The following BCKDHB variants were observed in gnomAD, a reference collection of about 807,000 sequenced individuals.
BCKDHB encodes the protein branched chain keto acid dehydrogenase E1 subunit beta.
A neutral mutation model predicts 48.5 loss-of-function variants in BCKDHB; 41 were observed. The observed-to-expected ratio is 0.85, with a 90% CI of 0.66 to 1.10. The LOEUF is 1.10. Among genes scored for constraint, BCKDHB ranks in the 50% least tolerant of loss-of-function variants. BCKDHB has a pLI of 0.00. For missense variants in BCKDHB, 496 were observed against 494.2 expected, an observed-to-expected ratio of 1.00 and a Z score of -0.03; for synonymous variants, 201 against 174.8, an observed-to-expected ratio of 1.15 and a Z score of -1.18.
chr6:80,408,284 A>G, the BCKDHB span, among the ~76,000 whole-genome samples: 1 of 152,138 alleles, frequency 6.6e-6, no homozygotes, highest in Non-Finnish European at 1.5e-5. Context: ...TTTTGCATCA[A>G]TGTTCATCAG....
At chr6:80,410,721 C>T in the BCKDHB span, among the ~76,000 whole-genome samples, 1 of 152,068 alleles carries the variant, frequency 6.6e-6, no homozygotes, top group Non-Finnish European at 1.5e-5. Flanking sequence ...TTCTTTCTTC[C>T]ACTTGATCGA....
the BCKDHB span, among the ~76,000 whole-genome samples, chr6:80,455,321 G>A: frequency 6.6e-6 from 1 of 151,964 alleles, no homozygotes; most frequent in South Asian, 2.1e-4. Flanking sequence ...AATTCTGGAA[G>A]GTTTACAGTC....
chr6:80,176,818 G>T (rs1773176836), intron 6 of BCKDHB, among the ~76,000 whole-genome samples: 1 of 152,150 alleles, frequency 6.6e-6, no homozygotes, highest in African/African-American at 2.4e-5. Context: ...CAACAACCCA[G>T]ATACTCCCAC....
At chr6:80,169,784 T>A (rs771997107) in intron 5 of BCKDHB, 1 of 1,592,662 alleles carries the variant, frequency 6.3e-7, no homozygotes, top group Non-Finnish European at 8.6e-7. Flanking sequence ...GTTTTATTCT[T>A]TTTTTCTTAT....
intron 9 of BCKDHB, among the ~76,000 whole-genome samples, chr6:80,313,109 G>C (rs891365483): frequency 6.6e-6 from 1 of 152,084 alleles, no homozygotes; most frequent in East Asian, 1.9e-4. Flanking sequence ...TTCAGAACTC[G>C]TTATTAGTCT....
At chr6:80,367,194 G>T in the BCKDHB span, among the ~76,000 whole-genome samples, 1 of 151,700 alleles carries the variant, frequency 6.6e-6, no homozygotes, top group African/African-American at 2.4e-5. Context: ...ATATAATTCT[G>T]TTTCTTTTGC....
the BCKDHB span, among the ~76,000 whole-genome samples, chr6:80,364,215 A>G: frequency 1.3e-5 from 2 of 152,238 alleles, no homozygotes; most frequent in Admixed American, 6.5e-5. Flanking sequence ...GAACTCAAAC[A>G]TGCAATTACC....
intron 8 of BCKDHB, among the ~76,000 whole-genome samples, chr6:80,261,460 G>T (rs1777298391): frequency 6.6e-6 from 1 of 151,854 alleles, no homozygotes; most frequent in African/African-American, 2.4e-5. Context: ...TCTTGTCCCT[G>T]TATTTTTCAG....
intron 3 of BCKDHB, among the ~76,000 whole-genome samples, chr6:80,162,743 C>T (rs1425906466): frequency 2.6e-5 from 4 of 151,908 alleles, no homozygotes; most frequent in African/African-American, 7.3e-5. Context: ...CCCAGCTACT[C>T]GGGAGGCTGA....
At chr6:80,290,380 G>C (rs1342901923) in intron 9 of BCKDHB, among the ~76,000 whole-genome samples, 1 of 152,182 alleles carries the variant, frequency 6.6e-6, no homozygotes, top group Non-Finnish European at 1.5e-5. Flanking sequence ...AAGAAACATG[G>C]GCACAGCATC....
the BCKDHB span, chr6:80,356,625 G>A: frequency 6.6e-6 from 1 of 152,078 alleles, no homozygotes; most frequent in African/African-American, 2.4e-5. Context: ...AGCCATGTTA[G>A]GGTGAGGATC....
At chr6:80,155,336 A>T (rs1015217310) in intron 3 of BCKDHB, among the ~76,000 whole-genome samples, 2 of 152,130 alleles carry the variant, frequency 1.3e-5, no homozygotes, top group African/African-American at 4.8e-5. Flanking sequence ...GCCAGATAAC[A>T]AGGTCTAATT....
intron 6 of BCKDHB, among the ~76,000 whole-genome samples, chr6:80,193,706 C>T (rs942645338): frequency 5.1e-5 from 7 of 137,642 alleles, no homozygotes; most frequent in Admixed American, 1.5e-4. Context: ...GGCAACAGAG[C>T]GAGACTCTGT....
At chr6:80,358,315 A>T in the BCKDHB span, among the ~76,000 whole-genome samples, 1 of 152,198 alleles carries the variant, frequency 6.6e-6, no homozygotes, top group African/African-American at 2.4e-5. Flanking sequence ...ATAGATACAC[A>T]TATGGGTGTG....
At chr6:80,170,087 A>G (rs1772827274) in intron 5 of BCKDHB, among the ~76,000 whole-genome samples, 1 of 151,990 alleles carries the variant, frequency 6.6e-6, no homozygotes, top group South Asian at 2.1e-4. Context: ...TTAAAGTACA[A>G]AAGGCTAATA....
At chr6:80,222,705 C>T (rs1366762895) in intron 8 of BCKDHB, among the ~76,000 whole-genome samples, 1 of 152,028 alleles carries the variant, frequency 6.6e-6, no homozygotes, top group Non-Finnish European at 1.5e-5. Context: ...TTTTAATATC[C>T]TTATCTATTT....
the BCKDHB span, among the ~76,000 whole-genome samples, chr6:80,398,533 C>T: frequency 6.6e-6 from 1 of 151,946 alleles, no homozygotes; most frequent in Non-Finnish European, 1.5e-5. Context: ...CAGGAAGATA[C>T]TAATTCCATG....
Position 80,167,076 on chromosome 6 carries a change from A to G in BCKDHB, c.344-602A>G, listed in dbSNP as rs144864203. Reference sequence around the variant, plus strand: ...ATTTGGAGCCCATTGTTAGATAAGTATAGATTTAGAATTATTTATTTCTTG... The same window carrying G: ...ATTTGGAGCCCATTGTTAGATAAGTGTAGATTTAGAATTATTTATTTCTTG... On this transcript the variant is annotated intron_variant, in intron 3 of 9. Transcript: ENST00000320393. Among the ~76,000 whole-genome samples the G allele has an allele frequency of 1.7e-3, 265 of 152,266 alleles. 1 individual carries two copies. Among genetic ancestry groups the G allele is most frequent in the African/African-American group, 6.0e-3 (251 of 41,548 alleles).
intron 9 of BCKDHB, among the ~76,000 whole-genome samples, chr6:80,281,380 G>A (rs923367801): frequency 6.6e-6 from 1 of 152,158 alleles, no homozygotes. Flanking sequence ...GACAAGTGCA[G>A]AAGAGTTTGA....
Sources: allele counts gnomAD v4.1 joint callset (sites outside exome capture counted in the v4.1 genomes callset), GRCh38; gene constraint gnomAD v4.1.1; transcripts MANE v1.5; gene names NCBI Gene and HGNC (gene_info 2026-07-23, HGNC 2026-07-21).